TOX2: variants seen among roughly 807,000 people sequenced by gnomAD.
TOX2 encodes the protein TOX high mobility group box family member 2.
A neutral mutation model predicts 47.4 loss-of-function variants in TOX2; 15 were observed. The observed-to-expected ratio is 0.32, with a 90% CI of 0.21 to 0.49. The LOEUF (loss-of-function observed/expected upper bound fraction) is 0.49, where lower values mean the gene tolerates loss of function less well. TOX2 is among the 20% of genes least tolerant of loss of function. The probability of loss-of-function intolerance (pLI) is 0.99; values close to 1 mark genes in which losing one functional copy is unlikely to be tolerated. For synonymous variants in TOX2, 290 were observed against 296.6 expected (o/e 0.98, Z 0.23); for missense variants, 622 against 673.1 (o/e 0.92, Z 0.84).
intron 1 of TOX2, among the ~76,000 whole-genome samples, chr20:43,941,941 T>C (rs2069409021): frequency 6.6e-6 from 1 of 152,142 alleles, no homozygotes; most frequent in Non-Finnish European, 1.5e-5. Flanking sequence ...GTTGCTACTG[T>C]AGTGAAAATC....
At chr20:44,000,968 A>G (rs926262535) in intron 2 of TOX2, among the ~76,000 whole-genome samples, 1 of 152,114 alleles carries the variant, frequency 6.6e-6, no homozygotes, top group African/African-American at 2.4e-5. Flanking sequence ...GAGGTCATTG[A>G]TGACCTTCCC....
chr20:43,990,372 C>T (rs2070348228), intron 2 of TOX2, among the ~76,000 whole-genome samples: 1 of 152,148 alleles, frequency 6.6e-6, no homozygotes, highest in African/African-American at 2.4e-5. Flanking sequence ...AGTGGATGAG[C>T]TCTGGGTGGC....
chr20:43,976,261 C>CT (rs1203072569), intron 2 of TOX2, among the ~76,000 whole-genome samples: 2 of 152,200 alleles, frequency 1.3e-5, no homozygotes, highest in Non-Finnish European at 2.9e-5. Context: ...TCTGGCCTTG[C>CT]TTAGGATCAC....
chr20:44,064,706 A>C, intron 5 of TOX2, 71 bp from the exon 6 acceptor site: 1 of 1,449,012 alleles, frequency 6.9e-7, no homozygotes, highest in Non-Finnish European at 9.6e-7. Flanking sequence ...ATGCCTTCCC[A>C]CCCCAGGACC....
At chr20:44,067,206 T>C (rs2071840621) in intron 8 of TOX2, among the ~76,000 whole-genome samples, 1 of 149,388 alleles carries the variant, frequency 6.7e-6, no homozygotes, top group Non-Finnish European at 1.5e-5. Context: ...AGGGATTGGG[T>C]GCCTTTGGGG....
At position 44,051,551 on chromosome 20, in the gene TOX2, T is replaced by G; in HGVS notation, c.651+6T>G. 6.4e-7 allele frequency: 1 copy of G among 1,572,688 alleles called. No homozygotes were observed. Among genetic ancestry groups the G allele is most frequent in the Non-Finnish European group, 8.7e-7 (1 of 1,155,246 alleles). The stretch of plus-strand genomic sequence containing the variant: ...AGTCGGAAGTGCATTTCAAGGTATG[T>G]GCGGTGGAGGAACAGAGCCTGAAGC... On this transcript the variant is annotated splice_donor_region_variant and intron_variant, in intron 4 of 8. Transcript: ENST00000341197.
At chr20:43,996,661 G>A (rs894608504) in intron 2 of TOX2, among the ~76,000 whole-genome samples, 2 of 151,964 alleles carry the variant, frequency 1.3e-5, no homozygotes, top group African/African-American at 4.8e-5. Context: ...GCTTGGGTGT[G>A]TGTGTGTGGG....
intron 6 of TOX2, among the ~76,000 whole-genome samples, chr20:44,065,309 G>A (rs1399375576): frequency 6.6e-6 from 1 of 152,226 alleles, no homozygotes; most frequent in Non-Finnish European, 1.5e-5. Context: ...GTGGAGGTGG[G>A]TGTTGTTCCT....
chr20:43,938,920 A>G (rs1263024202), intron 1 of TOX2, among the ~76,000 whole-genome samples: 1 of 152,122 alleles, frequency 6.6e-6, no homozygotes, highest in South Asian at 2.1e-4. Flanking sequence ...TTTCTGCCTT[A>G]TGGCCTCCTT....
At chr20:43,958,822 C>G (rs2069710810) in intron 1 of TOX2, among the ~76,000 whole-genome samples, 1 of 152,224 alleles carries the variant, frequency 6.6e-6, no homozygotes, top group Admixed American at 6.5e-5. Context: ...ATCCATCAGC[C>G]CTGGCCTTGG....
intron 1 of TOX2, among the ~76,000 whole-genome samples, chr20:43,927,640 CTCCCCT>C (rs2069190810): frequency 7.8e-6 from 1 of 127,998 alleles, no homozygotes. Context: ...TCCTTCCTTC[CTCCCCT>C]TCCCTTCCCT....
intron 3 of TOX2, among the ~76,000 whole-genome samples, chr20:44,027,437 G>A (rs1483245017): frequency 3.9e-5 from 6 of 152,122 alleles, no homozygotes; most frequent in East Asian, 1.9e-4. Context: ...AGTCTGTCCC[G>A]CCTCCACTGC....
At chr20:43,968,239 T>A (rs1048868275) in intron 1 of TOX2, among the ~76,000 whole-genome samples, 5 of 152,210 alleles carry the variant, frequency 3.3e-5, no homozygotes, top group African/African-American at 1.2e-4. Context: ...TTATCACATC[T>A]GTTTACCCCA....
At chr20:43,946,053 C>A in intron 1 of TOX2, 1 of 1,612,748 alleles carries the variant, frequency 6.2e-7, no homozygotes, top group Non-Finnish European at 8.5e-7. Context: ...GCAGCGGGTG[C>A]CCACCGCCCC....
Position 44,022,103 on chromosome 20 carries a change from C to T in TOX2, c.411+15311C>T, listed in dbSNP as rs565075253. Among the ~76,000 whole-genome samples, 7 of 152,350 alleles carry T rather than the reference C, an allele frequency of 4.6e-5. No homozygotes were observed. In the South Asian group the frequency reaches 6.2e-4, roughly 14 times the overall value. On this transcript the variant is annotated intron_variant, in intron 3 of 8. Transcript: ENST00000341197. ...CAAGTGAGCAATGGCCGGCCGATGA[C>T]GCTGGAGACAAAACTGTCCTTCGGG...
intron 3 of TOX2, among the ~76,000 whole-genome samples, chr20:44,014,077 C>CCAAGAT (rs2070829343): frequency 2.2e-5 from 3 of 136,010 alleles, no homozygotes; most frequent in Non-Finnish European, 4.5e-5. Context: ...TTGCAGTGAG[C>CCAAGAT]CAAGATCATG....
At chr20:43,924,593 A>G (rs982360045) in intron 1 of TOX2, among the ~76,000 whole-genome samples, 4 of 152,186 alleles carry the variant, frequency 2.6e-5, no homozygotes, top group Non-Finnish European at 4.4e-5. Context: ...AATGCAGGTC[A>G]GTGTTTCTGG....
At chr20:43,941,688 T>G (rs928749112) in intron 1 of TOX2, among the ~76,000 whole-genome samples, 2 of 152,206 alleles carry the variant, frequency 1.3e-5, no homozygotes, top group South Asian at 4.1e-4. Context: ...TTTGGTGTTT[T>G]CTATTGACTT....
chr20:44,069,201 A>AAGACT lies in TOX2; in HGVS notation c.*517_*521dup, dbSNP rs1428860824. 2 of 262,438 alleles carry AAGACT rather than the reference A, an allele frequency of 7.6e-6. No individual in the cohort carries two copies. Among genetic ancestry groups the AAGACT allele is most frequent in the East Asian group, 2.0e-4 (2 of 10,142 alleles). The allele number at this position is 262,438 out of a possible 1,614,324, so 16.3% of individuals were successfully genotyped here. ...TTAGAACTGTGCTGAAGACATCTGT[A>AAGACT]AGACTATTTTGTGGGGGAAAAAAGT... On this transcript the variant is annotated 3_prime_UTR_variant, in exon 9 of 9. Transcript: ENST00000341197.
Sources: allele counts gnomAD v4.1 joint callset (sites outside exome capture counted in the v4.1 genomes callset), GRCh38; gene constraint gnomAD v4.1.1; transcripts MANE v1.5; gene names NCBI Gene and HGNC (gene_info 2026-07-23, HGNC 2026-07-21).